ADAMTS12: variants seen among roughly 807,000 people sequenced by gnomAD.
ADAMTS12 encodes ADAM metallopeptidase with thrombospondin type 1 motif 12.
ADAMTS12 carries 118 observed loss-of-function variants against 167.8 expected under a neutral mutation model. The ratio of observed to expected loss-of-function variants is 0.70; its 90% confidence interval spans 0.61 to 0.82. The LOEUF (loss-of-function observed/expected upper bound fraction) is 0.82. Among genes scored for constraint, ADAMTS12 ranks in the 40% least tolerant of loss-of-function variants. The pLI, the probability that ADAMTS12 is intolerant of heterozygous loss-of-function variation, is 0.00. For synonymous variants in ADAMTS12, 704 were observed against 716.9 expected, an observed-to-expected ratio of 0.98 and a Z score of 0.29; for missense variants, 1,916 against 1,998.8, an observed-to-expected ratio of 0.96 and a Z score of 0.79.
chr5:33,767,290 C>T (rs997006265), intron 2 of ADAMTS12, among the ~76,000 whole-genome samples: 1 of 152,168 alleles, frequency 6.6e-6, no homozygotes, highest in Admixed American at 6.6e-5. Flanking sequence ...CGGTCCTTCT[C>T]TCTTCTATAC....
At chr5:33,880,361 T>TG (rs1750383986) in intron 2 of ADAMTS12, among the ~76,000 whole-genome samples, 1 of 152,212 alleles carries the variant, frequency 6.6e-6, no homozygotes, top group East Asian at 1.9e-4. Flanking sequence ...CACAATTAAG[T>TG]GTCAGTAAAC....
intron 2 of ADAMTS12, among the ~76,000 whole-genome samples, chr5:33,873,923 A>G (rs1420813722): frequency 6.6e-5 from 10 of 152,192 alleles, no homozygotes; most frequent in Non-Finnish European, 1.2e-4. Flanking sequence ...AAGAAAATTA[A>G]TGCAAACTGG....
At chr5:33,779,248 C>T (rs536693791) in intron 2 of ADAMTS12, among the ~76,000 whole-genome samples, 112 of 145,318 alleles carry the variant, frequency 7.7e-4, no homozygotes, top group Admixed American at 3.9e-3. Flanking sequence ...TGCAGTGGTA[C>T]AATCTTGGCT....
intron 2 of ADAMTS12, among the ~76,000 whole-genome samples, chr5:33,830,066 G>C (rs1463645455): frequency 6.6e-6 from 1 of 152,208 alleles, no homozygotes; most frequent in Non-Finnish European, 1.5e-5. Context: ...ATAAATCAAA[G>C]CTAGGATCTC....
intron 16 of ADAMTS12, among the ~76,000 whole-genome samples, chr5:33,602,567 G>T (rs1738243235): frequency 6.6e-6 from 1 of 152,184 alleles, no homozygotes. Context: ...TTAGCACCAA[G>T]ATGAGTGCAC....
intron 3 of ADAMTS12, among the ~76,000 whole-genome samples, chr5:33,689,858 A>T (rs1175307275): frequency 6.6e-6 from 1 of 152,210 alleles, no homozygotes; most frequent in Non-Finnish European, 1.5e-5. Flanking sequence ...TGATACAAAG[A>T]TTATGCAAAA....
At chr5:33,637,238 C>T (rs1325363042) in intron 12 of ADAMTS12, among the ~76,000 whole-genome samples, 1 of 152,166 alleles carries the variant, frequency 6.6e-6, no homozygotes, top group East Asian at 1.9e-4. Context: ...GACGAAATCA[C>T]AGTCAGTTTC....
chr5:33,802,393 T>C (rs1411203821), intron 2 of ADAMTS12, among the ~76,000 whole-genome samples: 1 of 152,162 alleles, frequency 6.6e-6, no homozygotes, highest in African/African-American at 2.4e-5. Context: ...CACAGGCAGG[T>C]AGCATTTGTC....
chr5:33,801,560 T>C (rs925309703), intron 2 of ADAMTS12, among the ~76,000 whole-genome samples: 8 of 152,228 alleles, frequency 5.3e-5, no homozygotes, highest in Non-Finnish European at 4.4e-5. Context: ...CTGTCTGTTA[T>C]TAGGCAGATC....
intron 19 of ADAMTS12, among the ~76,000 whole-genome samples, chr5:33,573,972 T>C (rs1365282182): frequency 1.3e-5 from 2 of 152,206 alleles, no homozygotes; most frequent in African/African-American, 4.8e-5. Context: ...AAGACATTTA[T>C]GCAGCCAAAA....
At chr5:33,531,084 G>A (rs190614165) in intron 23 of ADAMTS12, among the ~76,000 whole-genome samples, 2 of 152,324 alleles carry the variant, frequency 1.3e-5, no homozygotes, top group African/African-American at 4.8e-5. Flanking sequence ...AAGCCGTGCT[G>A]AGACACAGAC....
intron 5 of ADAMTS12, among the ~76,000 whole-genome samples, chr5:33,680,926 T>A (rs910239154): frequency 6.6e-6 from 1 of 152,188 alleles, no homozygotes; most frequent in Non-Finnish European, 1.5e-5. Context: ...TGGACATAAA[T>A]CATTTTCACC....
chr5:33,603,074 G>A (rs1325466768), intron 16 of ADAMTS12, among the ~76,000 whole-genome samples: 2 of 152,144 alleles, frequency 1.3e-5, no homozygotes, highest in Non-Finnish European at 2.9e-5. Flanking sequence ...TGTACCTACA[G>A]GCCCCAAAAC....
chr5:33,769,342 A>C (rs1745659222), intron 2 of ADAMTS12, among the ~76,000 whole-genome samples: 1 of 152,204 alleles, frequency 6.6e-6, no homozygotes, highest in Non-Finnish European at 1.5e-5. Context: ...ATGGTTACAT[A>C]CATCAAGTAC....
intron 22 of ADAMTS12, among the ~76,000 whole-genome samples, chr5:33,535,345 C>T (rs1384904256): frequency 6.6e-6 from 1 of 152,192 alleles, no homozygotes; most frequent in Non-Finnish European, 1.5e-5. Context: ...CCTGGCCACA[C>T]ATGACTGCTC....
intron 3 of ADAMTS12, among the ~76,000 whole-genome samples, chr5:33,692,206 C>T (rs1205646496): frequency 6.6e-6 from 1 of 152,154 alleles, no homozygotes; most frequent in Non-Finnish European, 1.5e-5. Flanking sequence ...CAATAAGACA[C>T]AAGGGGAAGG....
chr5:33,545,721 T>G (rs1412718137), intron 22 of ADAMTS12, among the ~76,000 whole-genome samples: 1 of 152,020 alleles, frequency 6.6e-6, no homozygotes, highest in Non-Finnish European at 1.5e-5. Flanking sequence ...GGGACATGGA[T>G]GAAGTTGGAA....
intron 3 of ADAMTS12, among the ~76,000 whole-genome samples, chr5:33,701,981 T>G (rs1743021781): frequency 6.6e-6 from 1 of 152,222 alleles, no homozygotes; most frequent in Admixed American, 6.5e-5. Flanking sequence ...TGACAACTTC[T>G]GACAGTAATC....
Position 33,588,742 on chromosome 5 carries a change from C to T in ADAMTS12, c.2722G>A (p.Val908Met). The T allele has an allele frequency of 6.2e-7, 1 of 1,614,148 alleles. No homozygotes were observed. Among genetic ancestry groups the T allele is most frequent in the South Asian group, 1.1e-5 (1 of 91,078 alleles). Reference protein sequence around the residue: ...CGPHGEKKRTVLCIQTMVSDE... With the variant: ...CGPHGEKKRTMLCIQTMVSDE... Reference sequence around the variant, plus strand: ...GAGACCATGGTCTGGATGCACAGCACGGTTCGCTTCTTCTCCCCGTGGGGC... The same window carrying T: ...GAGACCATGGTCTGGATGCACAGCATGGTTCGCTTCTTCTCCCCGTGGGGC... The change falls in exon 18 of 24, where the codon GTG (valine) becomes ATG (methionine). Residue 908 changes from valine (V) to methionine (M), a missense_variant. Physicochemically the swap from Val to Met is conservative, Grantham distance 21. Coordinates refer to ENST00000504830, the MANE Select transcript of ADAMTS12 (RefSeq NM_030955.4).
Sources: gnomAD v4.1 joint callset for allele counts (sites outside exome capture counted in the v4.1 genomes callset) on GRCh38, gnomAD v4.1.1 for gene constraint, MANE v1.5 for transcripts, NCBI Gene and HGNC (gene_info 2026-07-23, HGNC 2026-07-21) for gene names.